Variants in LTBP1 observed in about 807,000 individuals in gnomAD.
The protein encoded by LTBP1 is latent transforming growth factor beta binding protein 1.
A neutral mutation model predicts 207.6 loss-of-function variants in LTBP1; 129 were observed. The ratio of observed to expected loss-of-function variants is 0.62; its 90% confidence interval spans 0.54 to 0.72. The LOEUF is 0.72. Ranked by LOEUF, LTBP1 falls within the 30% of genes least tolerant of loss-of-function variation. LTBP1 has a pLI of 0.00. For missense variants in LTBP1, 2,281 were observed against 2,217.2 expected, an observed-to-expected ratio of 1.03 and a Z score of -0.58; for synonymous variants, 963 against 833.7, an observed-to-expected ratio of 1.16 and a Z score of -2.67.
chr2:33,217,313 G>T (rs2090786037), intron 7 of LTBP1, among the ~76,000 whole-genome samples: 1 of 152,220 alleles, frequency 6.6e-6, no homozygotes, highest in African/African-American at 2.4e-5. Context: ...AGCAGTGACA[G>T]ATTTTCTTAG....
chr2:32,992,711 T>C (rs2148872565), intron 2 of LTBP1, among the ~76,000 whole-genome samples: 1 of 152,320 alleles, frequency 6.6e-6, no homozygotes, highest in African/African-American at 2.4e-5. Context: ...TCCAGCACTC[T>C]GCCTGGTACA....
chr2:33,078,858 T>TTTTC (rs1397830062), intron 3 of LTBP1, among the ~76,000 whole-genome samples: 4 of 24,794 alleles, frequency 1.6e-4, no homozygotes, highest in Non-Finnish European at 3.2e-4. Flanking sequence ...TTTTCTTTTC[T>TTTTC]TTTCTTTTTT....
rs141428350 is a variant in LTBP1, at chr2:32,963,721, A to G, written c.565+14776A>G. Among the ~76,000 whole-genome samples the G allele has an allele frequency of 7.2e-5, 11 of 152,240 alleles. No individual in the cohort carries two copies. The East Asian group carries it at 1.7e-3, about 24-fold the overall frequency. Reference sequence around the variant, plus strand: ...TCAAGGTGTGGTTCCAGGACCTCCTACAACAGAACCCCTGTGGGATGCGTA... The same window carrying G: ...TCAAGGTGTGGTTCCAGGACCTCCTGCAACAGAACCCCTGTGGGATGCGTA... On this transcript the variant is annotated intron_variant, in intron 2 of 33. Transcript: ENST00000404816.
rs142296871 is a variant in LTBP1 at position 33,283,087 on chromosome 2, G to A, written c.3112+2929G>A. 3.3e-3 allele frequency among the ~76,000 whole-genome samples: 485 copies of A among 146,328 alleles called. 3 individuals are homozygous for A. The highest frequency in any genetic ancestry group is 0.012 in the African/African-American group (461 of 39,524). On this transcript the variant is annotated intron_variant, in intron 19 of 33. Coordinates refer to ENST00000404816, the MANE Select transcript of LTBP1 (RefSeq NM_206943.4). ...AAAAAAAAAAAAAAAAAAAAAAAGA[G>A]AGAGTGAATAAAATAAAGTTTTTCT...
At chr2:33,077,032 G>C (rs2078121481) in intron 3 of LTBP1, among the ~76,000 whole-genome samples, 1 of 152,170 alleles carries the variant, frequency 6.6e-6, no homozygotes, top group Admixed American at 6.5e-5. Flanking sequence ...TATACTTCTA[G>C]GGCTAGAGAG....
chr2:33,010,935 G>T (rs1316114101), intron 2 of LTBP1, among the ~76,000 whole-genome samples: 1 of 152,164 alleles, frequency 6.6e-6, no homozygotes, highest in African/African-American at 2.4e-5. Flanking sequence ...GGCCAGGATG[G>T]TCTCGATCTC....
intron 2 of LTBP1, among the ~76,000 whole-genome samples, chr2:32,979,079 G>A (rs969823037): frequency 6.6e-6 from 1 of 150,712 alleles, no homozygotes; most frequent in African/African-American, 2.4e-5. Flanking sequence ...ATTTATTTGG[G>A]TCTCCTCTTT....
intron 24 of LTBP1, among the ~76,000 whole-genome samples, chr2:33,342,210 A>G (rs1291101088): frequency 1.3e-5 from 2 of 152,256 alleles, no homozygotes; most frequent in Non-Finnish European, 2.9e-5. Flanking sequence ...ATGGAGAACA[A>G]AATGAATTGG....
At chr2:33,162,559 G>A (rs1250231121) in intron 5 of LTBP1, among the ~76,000 whole-genome samples, 2 of 152,124 alleles carry the variant, frequency 1.3e-5, no homozygotes, top group East Asian at 1.9e-4. Flanking sequence ...TATCCTTGAC[G>A]AGTAAGATTC....
rs552542214 is a variant in LTBP1, at chr2:33,381,695, A to C, written c.4712-7489A>C. Among the ~76,000 whole-genome samples the C allele has an allele frequency of 2.0e-5, 3 of 152,316 alleles. No homozygotes were observed. In the East Asian group the frequency reaches 5.8e-4, roughly 29 times the overall value. ...TGGTTATTACTCTCCCTGGAATTTT[A>C]GTCACAAATGCTTATTGCTGAACTA... On this transcript the variant is annotated intron_variant, in intron 31 of 33. Transcript: ENST00000404816.
intron 2 of LTBP1, among the ~76,000 whole-genome samples, chr2:33,015,319 C>G (rs184692251): frequency 1.3e-5 from 2 of 152,118 alleles, no homozygotes; most frequent in Non-Finnish European, 2.9e-5. Context: ...TTGAATAAAT[C>G]GCAAATCAAG....
rs113522806 is a variant in LTBP1 at position 32,968,984 on chromosome 2, G to A, written c.565+20039G>A. On this transcript the variant is annotated intron_variant, in intron 2 of 33. Coordinates refer to ENST00000404816, the MANE Select transcript of LTBP1 (RefSeq NM_206943.4). ...AGGCTGGAGTGCAGTGGGCAATCTC[G>A]GCTCACTGCAACCTCTGCCTCCTGG... Among the ~76,000 whole-genome samples, 102 of 145,456 alleles carry A rather than the reference G, an allele frequency of 7.0e-4. 1 individual carries two copies. The highest frequency in any genetic ancestry group is 2.4e-3 in the African/African-American group (95 of 39,090).
At chr2:33,248,538 A>C (rs1310936983) in intron 10 of LTBP1, among the ~76,000 whole-genome samples, 1 of 152,028 alleles carries the variant, frequency 6.6e-6, no homozygotes, top group Non-Finnish European at 1.5e-5. Flanking sequence ...AGGTGACGTA[A>C]CTGCAATGGC....
chr2:33,110,288 T>A (rs1001092103), intron 3 of LTBP1, among the ~76,000 whole-genome samples: 1 of 152,226 alleles, frequency 6.6e-6, no homozygotes, highest in Non-Finnish European at 1.5e-5. Context: ...TGAAGGCTTA[T>A]GGCAGTTGTG....
chr2:33,104,535 C>G (rs1396518619), intron 3 of LTBP1, among the ~76,000 whole-genome samples: 1 of 152,136 alleles, frequency 6.6e-6, no homozygotes, highest in Non-Finnish European at 1.5e-5. Context: ...GCAGGTGGTC[C>G]TCTCCTGCTT....
chr2:33,011,631 A>C (rs1485205633), intron 2 of LTBP1, among the ~76,000 whole-genome samples: 1 of 152,076 alleles, frequency 6.6e-6, no homozygotes, highest in Non-Finnish European at 1.5e-5. Context: ...TTGTGAAAGA[A>C]TAAATCTCTG....
At position 33,390,373 on chromosome 2, in the gene LTBP1, A is replaced by G. The variant is rs557355011; in HGVS notation, c.4834+1067A>G. Among the ~76,000 whole-genome samples, 52 of 152,332 alleles carry G rather than the reference A, an allele frequency of 3.4e-4. 1 individual carries two copies. Among genetic ancestry groups the G allele is most frequent in the African/African-American group, 1.2e-3 (49 of 41,566 alleles). On this transcript the variant is annotated intron_variant, in intron 32 of 33. Transcript: ENST00000404816. The stretch of plus-strand genomic sequence containing the variant: ...AGTCTGAAACAGCAGGAGGTCCACA[A>G]TGAAATATTAGTAGATAGTAGATAG...
intron 3 of LTBP1, among the ~76,000 whole-genome samples, chr2:33,106,982 G>A (rs1024512797): frequency 3.9e-5 from 6 of 152,140 alleles, no homozygotes; most frequent in African/African-American, 1.4e-4. Flanking sequence ...TAAGTATTCC[G>A]AACCTTTGTG....
intron 24 of LTBP1, among the ~76,000 whole-genome samples, chr2:33,320,631 A>G (rs1344391306): frequency 6.6e-6 from 1 of 152,208 alleles, no homozygotes; most frequent in Non-Finnish European, 1.5e-5. Flanking sequence ...TAAATAGGTA[A>G]GGGAGCATGA....
Sources: gnomAD v4.1 joint callset for allele counts (sites outside exome capture counted in the v4.1 genomes callset) on GRCh38, gnomAD v4.1.1 for gene constraint, MANE v1.5 for transcripts, NCBI Gene and HGNC (gene_info 2026-07-23, HGNC 2026-07-21) for gene names.